Variants in THNSL2 observed in about 807,000 individuals in gnomAD.
THNSL2 encodes the protein threonine synthase-like 2.
In THNSL2, 34 loss-of-function variants were observed where a neutral mutation model predicts 40.0. The observed-to-expected ratio is 0.85, with a 90% CI of 0.65 to 1.13. The LOEUF is 1.13. Ranked by LOEUF, THNSL2 falls within the 50% of genes most tolerant of loss-of-function variation. THNSL2 has a pLI of 0.00. For synonymous variants in THNSL2, 241 were observed against 247.5 expected, an observed-to-expected ratio of 0.97 and a Z score of 0.25; for missense variants, 537 against 608.8, an observed-to-expected ratio of 0.88 and a Z score of 1.24.
At chr2:88,184,848 G>A (rs1278664332) in intron 7 of THNSL2, among the ~76,000 whole-genome samples, 3 of 152,160 alleles carry the variant, frequency 2.0e-5, no homozygotes, top group Non-Finnish European at 2.9e-5. Context: ...TTGGTGTATT[G>A]TAAGCATGCA....
Position 88,186,464 on chromosome 2 carries a change from A to G in THNSL2, c.*341A>G. ...GGGGTTTAGGACCCCAGACCTGTGA[A>G]GGTGGGAGCAGCTCACCACCTTCAC... On this transcript the variant is annotated 3_prime_UTR_variant, in exon 9 of 9. Transcript: ENST00000674334. 3.5e-6 allele frequency: 1 copy of G among 287,530 alleles called. No homozygotes were observed. Among genetic ancestry groups the G allele is most frequent in the Non-Finnish European group, 6.8e-6 (1 of 147,864 alleles). 17.8% of individuals were successfully genotyped at this position (287,530 alleles called of 1,614,324 possible).
chr2:88,173,267 C>T lies in THNSL2; in HGVS notation c.117C>T (p.Asp39=), dbSNP rs1676553595. Residue 39 remains aspartate, a synonymous_variant, in exon 2 of 9, where the codon GAC becomes GAT. Transcript: ENST00000674334. ...TGCCTGAAGAGCTCCCACAGTTGGA[C>T]AGAGGGACCCTGTGCCAGTGGAGCA... is the stretch of plus-strand genomic sequence containing the variant. ...LFMPEELPQL[D]RGTLCQWSTL... 1.2e-6 allele frequency: 2 copies of T among 1,612,430 alleles called. No homozygotes were observed. The highest frequency in any genetic ancestry group is 1.7e-6 in the Non-Finnish European group (2 of 1,179,938).
rs746529603 is a variant in THNSL2, at chr2:88,175,384, A to G, written c.554A>G (p.Asn185Ser). ...ELQMTTVLKQ[N>S]VHVFGVEGNS... The stretch of plus-strand genomic sequence containing the variant: ...CAGATGACAACGGTGCTGAAGCAGA[A>G]CGTACATGTGTTTGGAGGTGTGTGC... The change falls in exon 4 of 9, where the codon AAC becomes AGC. Residue 185 changes from asparagine to serine, a missense_variant. Coordinates refer to ENST00000674334, the MANE Select transcript of THNSL2 (RefSeq NM_018271.5). 4 of 1,614,090 alleles carry G rather than the reference A, an allele frequency of 2.5e-6. No individual in the cohort carries two copies. Among genetic ancestry groups the G allele is most frequent in the African/African-American group, 2.7e-5 (2 of 74,950 alleles).
intron 1 of THNSL2, chr2:88,171,875 TTGTCTC>T (rs1676413540): frequency 6.5e-6 from 1 of 152,746 alleles, no homozygotes; most frequent in Non-Finnish European, 1.5e-5. Context: ...ATGATCAAGT[TTGTCTC>T]TGTCTCTAAG....
In THNSL2 at chr2:88,182,762, A is replaced by G. The variant is rs1256675893; in HGVS notation, c.866A>G (p.Asp289Gly). 12 of 1,614,064 alleles carry G rather than the reference A, an allele frequency of 7.4e-6. No homozygotes were observed. The highest frequency in any genetic ancestry group is 9.3e-6 in the Non-Finnish European group (11 of 1,180,030). The change falls in exon 6 of 9, where the codon GAC (aspartate) becomes GGC (glycine). Residue 289 changes from aspartate to glycine, a missense_variant. Coordinates refer to ENST00000674334, the MANE Select transcript of THNSL2 (RefSeq NM_018271.5). Reference protein sequence around the residue: ...IRLVVAVNRNDIIHRTVQQGD... With the variant: ...IRLVVAVNRNGIIHRTVQQGD... The stretch of plus-strand genomic sequence containing the variant: ...CTGGTCGTGGCAGTGAACCGCAATG[A>G]CATCATCCACAGGACTGTCCAGCAG...
In THNSL2 at chr2:88,182,976, G is replaced by T. The variant is rs939738400; in HGVS notation, c.980G>T (p.Trp327Leu). The change falls in exon 7 of 9, where the codon TGG (tryptophan) becomes TTG (leucine). Residue 327 changes from tryptophan to leucine, a missense_variant. Physicochemically the swap from Trp to Leu is moderately conservative, Grantham distance 61. Coordinates refer to ENST00000674334, the MANE Select transcript of THNSL2 (RefSeq NM_018271.5). The part of the protein sequence containing the change: ...QVPYNMERVF[W>L]LLSGSDSQVT... ...CCCTACAACATGGAGAGGGTGTTCT[G>T]GCTGCTCTCTGGCTCTGACAGCCAG... 2 of 1,614,004 alleles carry T rather than the reference G, an allele frequency of 1.2e-6. No homozygotes were observed. Among genetic ancestry groups the T allele is most frequent in the African/African-American group, 2.7e-5 (2 of 74,888 alleles).
At chr2:88,184,901 G>A (rs1678101106) in intron 7 of THNSL2, among the ~76,000 whole-genome samples, 1 of 152,180 alleles carries the variant, frequency 6.6e-6, no homozygotes, top group African/African-American at 2.4e-5. Context: ...ACACACCGAG[G>A]GAGCACAGAC....
intron 1 of THNSL2, chr2:88,171,078 CG>C (rs1676319033): frequency 3.0e-6 from 1 of 329,790 alleles, no homozygotes; most frequent in African/African-American, 2.2e-5. Context: ...CCAGGGGACA[CG>C]TAGTCCGGGT....
chr2:88,185,930 C>T lies in THNSL2; in HGVS notation c.1262C>T (p.Ala421Val). The T allele has an allele frequency of 6.2e-7, 1 of 1,611,116 alleles. No homozygotes were observed. The highest frequency in any genetic ancestry group is 8.5e-7 in the Non-Finnish European group (1 of 1,179,090). ...TPRCCLAPASAAKFPEAVLAA... is the reference protein window; with the variant it reads ...TPRCCLAPASVAKFPEAVLAA... Reference sequence around the variant, plus strand: ...CGGTGCTGCCTCGCCCCTGCCTCTGCAGCCAAGTTCCCGGAAGCTGTCCTG... The same window carrying T: ...CGGTGCTGCCTCGCCCCTGCCTCTGTAGCCAAGTTCCCGGAAGCTGTCCTG... The change falls in exon 9 of 9, where the codon GCA becomes GTA. Residue 421 changes from alanine (A) to valine (V), a missense_variant. By Grantham distance (64) the Ala-to-Val change is moderately conservative (BLOSUM62 0). Coordinates refer to ENST00000674334, the MANE Select transcript of THNSL2 (RefSeq NM_018271.5).
In THNSL2 at chr2:88,185,396, G is replaced by A; in HGVS notation, c.1146G>A (p.Trp382Ter). 1.2e-6 allele frequency: 2 copies of A among 1,614,082 alleles called. No individual in the cohort carries two copies. Among genetic ancestry groups the A allele is most frequent in the South Asian group, 1.1e-5 (1 of 91,068 alleles). The change falls in exon 8 of 9, where the codon TGG becomes TGA. Residue 382 changes from tryptophan (W) to a stop codon, truncating the protein, a stop_gained. Transcript: ENST00000674334. LOFTEE classifies it high-confidence loss of function. ...TCACCCAGACCATGGGCCGCTGCTG[G>A]GATGAGAACCAGTACTTGCTGTGCC... The part of the protein sequence containing the change: ...EAITQTMGRC[W>*]DENQYLLCPH...
intron 5 of THNSL2, among the ~76,000 whole-genome samples, chr2:88,179,598 G>A (rs993353540): frequency 3.3e-5 from 5 of 152,186 alleles, no homozygotes; most frequent in Non-Finnish European, 1.5e-5. Flanking sequence ...CTCGATGAGC[G>A]AATCAGATTC....
At chr2:88,175,453 G>A (rs1360070231) in intron 4 of THNSL2, 52 bp downstream of exon 4, 2 of 1,594,872 alleles carry the variant, frequency 1.3e-6, no homozygotes, top group Admixed American at 3.4e-5. Flanking sequence ...CCTTAATTGG[G>A]TTTGCTTTGG....
intron 4 of THNSL2, chr2:88,177,172 T>G (rs1228994668): frequency 1.3e-5 from 2 of 152,244 alleles, no homozygotes; most frequent in African/African-American, 4.8e-5. Flanking sequence ...TGTGTACATG[T>G]TCAAGAAAAT....
chr2:88,175,129 A>G (rs1273508121), intron 3 of THNSL2, 120 bp from the exon 4 acceptor site: 1 of 1,161,522 alleles, frequency 8.6e-7, no homozygotes, highest in African/African-American at 1.6e-5. Flanking sequence ...CTAGGTTCAT[A>G]TCATCCAAGT....
At chr2:88,178,737 G>T in intron 4 of THNSL2, 46 bp from the exon 5 acceptor site, 2 of 1,607,762 alleles carry the variant, frequency 1.2e-6, no homozygotes, top group Non-Finnish European at 1.7e-6. Flanking sequence ...CCTCCTGGGG[G>T]TTCTACATGC....
At chr2:88,173,921 A>C (rs1405284753) in intron 2 of THNSL2, among the ~76,000 whole-genome samples, 1 of 152,214 alleles carries the variant, frequency 6.6e-6, no homozygotes, top group Non-Finnish European at 1.5e-5. Context: ...AGATAATACT[A>C]GACTACTGGT....
In THNSL2 at chr2:88,179,167, T is replaced by G. The variant is rs148030972; in HGVS notation, c.802+154T>G. 6.0e-4 allele frequency among the ~76,000 whole-genome samples: 91 copies of G among 152,238 alleles called. 1 individual carries two copies. Among genetic ancestry groups the G allele is most frequent in the African/African-American group, 2.2e-3 (90 of 41,564 alleles). Reference sequence around the variant, plus strand: ...ACCCCACAGAAGTTCCCAGGAGATTTCCCCCCTCATTGCCTGGGGCAGCAT... The same window carrying G: ...ACCCCACAGAAGTTCCCAGGAGATTGCCCCCCTCATTGCCTGGGGCAGCAT... On this transcript the variant is annotated intron_variant, in intron 5 of 8. Transcript: ENST00000674334.
chr2:88,185,793 C>T (rs1037542954), intron 8 of THNSL2, 105 bp from the exon 9 acceptor site: 2 of 1,538,206 alleles, frequency 1.3e-6, no homozygotes, highest in South Asian at 1.2e-5. Flanking sequence ...CCATACCCCC[C>T]CATCCCTAAA....
chr2:88,174,706 T>C lies in THNSL2; in HGVS notation c.291T>C (p.Asn97=). ...TGGTCCATCTGTCCAGGTTGAGGAA[T>C]GGGCTGAACGTGTTGGAGCTGTGGC... The part of the protein sequence containing the change: ...REVVHLSRLR[N]GLNVLELWHG... Residue 97 remains asparagine (N), a synonymous_variant, in exon 3 of 9, where the codon AAT becomes AAC. Transcript: ENST00000674334. The C allele has an allele frequency of 1.9e-6, 3 of 1,614,190 alleles. No homozygotes were observed. The highest frequency in any genetic ancestry group is 2.5e-6 in the Non-Finnish European group (3 of 1,180,030).
Sources: allele counts gnomAD v4.1 joint callset (sites outside exome capture counted in the v4.1 genomes callset), GRCh38; gene constraint gnomAD v4.1.1; transcripts MANE v1.5; gene names NCBI Gene and HGNC (gene_info 2026-07-23, HGNC 2026-07-21).